Variants in RBM25 observed in about 807,000 individuals in gnomAD.
RBM25 encodes RNA-binding protein 25.
A neutral mutation model predicts 120.7 loss-of-function variants in RBM25; 19 were observed. That is an observed-to-expected ratio of 0.16 (90% CI 0.11 to 0.23). The LOEUF is 0.23. Among genes scored for constraint, RBM25 ranks in the 10% least tolerant of loss-of-function variants. The pLI, the probability that RBM25 is intolerant of heterozygous loss-of-function variation, is 1.00. For synonymous variants in RBM25, 390 were observed against 326.7 expected, an observed-to-expected ratio of 1.19 and a Z score of -2.09; for missense variants, 605 against 1,041.5, an observed-to-expected ratio of 0.58 and a Z score of 5.77.
At position 73,063,594 on chromosome 14, in the gene RBM25, A is replaced by G. The variant is rs1016631191; in HGVS notation, c.-16+4889A>G. ...TCTTTTAAATCCCACATATTATACA[A>G]TCCCTCAGCAAATCCTATTGGCTGC... On this transcript the variant is annotated intron_variant, in intron 1 of 18. Transcript: ENST00000261973. Among the ~76,000 whole-genome samples the G allele has an allele frequency of 1.5e-4, 23 of 151,404 alleles. 2 individuals are homozygous for G.
At chr14:73,078,255 G>T (rs1044601810) in intron 4 of RBM25, among the ~76,000 whole-genome samples, 2 of 151,672 alleles carry the variant, frequency 1.3e-5, no homozygotes, top group Non-Finnish European at 2.9e-5. Flanking sequence ...GTGAGCTGAG[G>T]TCGCGCTACT....
intron 5 of RBM25, among the ~76,000 whole-genome samples, chr14:73,086,447 A>C (rs1211795245): frequency 6.6e-6 from 1 of 151,866 alleles, no homozygotes; most frequent in African/African-American, 2.4e-5. Flanking sequence ...AAAAAAAAAA[A>C]AAACAAAACA....
chr14:73,079,894 G>A (rs1243626200), intron 4 of RBM25, among the ~76,000 whole-genome samples: 2 of 150,450 alleles, frequency 1.3e-5, no homozygotes, highest in Non-Finnish European at 3.0e-5. Flanking sequence ...TCTTTTCACT[G>A]TAGCCACAAG....
chr14:73,081,358 G>A (rs910407240), intron 4 of RBM25, among the ~76,000 whole-genome samples: 11 of 152,258 alleles, frequency 7.2e-5, no homozygotes, highest in Non-Finnish European at 1.0e-4. Flanking sequence ...GACTGGTCTC[G>A]AACTTTTGAC....
chr14:73,065,891 A>G (rs1297507684), intron 1 of RBM25, among the ~76,000 whole-genome samples: 1 of 151,328 alleles, frequency 6.6e-6, no homozygotes, highest in Non-Finnish European at 1.5e-5. Context: ...TATATCTAAT[A>G]TTATTGGGGG....
intron 6 of RBM25, among the ~76,000 whole-genome samples, chr14:73,093,852 G>A (rs114114539): frequency 0.086 from 12,982 of 151,500 alleles, 659 homozygotes; most frequent in Middle Eastern, 0.2. Context: ...TCAGAAAATC[G>A]TGTATAGTTG....
chr14:73,081,657 T>G (rs1424620889), intron 4 of RBM25, among the ~76,000 whole-genome samples: 1 of 152,232 alleles, frequency 6.6e-6, no homozygotes, highest in Non-Finnish European at 1.5e-5. Context: ...GGTATGTGGT[T>G]GGTAACTTTT....
chr14:73,110,843 G>T lies in RBM25; in HGVS notation c.1705G>T (p.Ala569Ser). 1 of 1,609,460 alleles carries T rather than the reference G, an allele frequency of 6.2e-7. No homozygotes were observed. The highest frequency in any genetic ancestry group is 1.1e-5 in the South Asian group (1 of 90,304). Residue 569 changes from alanine to serine, a missense_variant, in exon 15 of 19, where the codon GCT becomes TCT. Physicochemically the swap from Ala to Ser is moderately conservative, Grantham distance 99 (BLOSUM62 1). Coordinates refer to ENST00000261973, the MANE Select transcript of RBM25 (RefSeq NM_021239.3). ...DAELQRMEQE[A>S]ERRRQPQIKQ... Reference sequence around the variant, plus strand: ...GTTTGGGTTTTAGATGGAACAAGAGGCTGAGAGGCGCAGGCAGCCACAAAT... The same window carrying T: ...GTTTGGGTTTTAGATGGAACAAGAGTCTGAGAGGCGCAGGCAGCCACAAAT...
At chr14:73,076,262 C>A in intron 2 of RBM25, 57 bp from the exon 3 acceptor site, 1 of 1,350,732 alleles carries the variant, frequency 7.4e-7, no homozygotes, top group Non-Finnish European at 1.1e-6. Flanking sequence ...AATTGTGTGG[C>A]ATGTTGTTGA....
chr14:73,107,150 C>T (rs909164755), intron 12 of RBM25, among the ~76,000 whole-genome samples: 2 of 152,172 alleles, frequency 1.3e-5, no homozygotes, highest in East Asian at 1.9e-4. Flanking sequence ...CATATTTTTT[C>T]GTTTAATAAG....
chr14:73,111,322 C>T (rs1421991660), intron 15 of RBM25, 167 bp downstream of exon 15: 3 of 820,222 alleles, frequency 3.7e-6, no homozygotes, highest in African/African-American at 3.5e-5. Context: ...TACTAGTGCT[C>T]CTATATCTGC....
At chr14:73,064,821 G>T (rs1412089792) in intron 1 of RBM25, among the ~76,000 whole-genome samples, 2 of 151,272 alleles carry the variant, frequency 1.3e-5, no homozygotes, top group Non-Finnish European at 3.0e-5. Flanking sequence ...ATATGTTATG[G>T]AAAAATTTGA....
At chr14:73,101,581 A>C (rs1896057932) in intron 9 of RBM25, 1 of 151,442 alleles carries the variant, frequency 6.6e-6, no homozygotes, top group Non-Finnish European at 1.5e-5. Context: ...AGATTCACTC[A>C]CTTTTTCATT....
chr14:73,103,948 T>TCTCTCTCTCACA (rs1594928335), intron 10 of RBM25, among the ~76,000 whole-genome samples: 45 of 91,406 alleles, frequency 4.9e-4, no homozygotes, highest in Non-Finnish European at 7.3e-4. Context: ...TCTCTCTCTC[T>TCTCTCTCTCACA]CACACACACA....
Position 73,105,866 on chromosome 14 carries a change from A to G in RBM25, c.1162A>G (p.Ser388Gly). The change falls in exon 11 of 19, where the codon AGC (serine) becomes GGC (glycine). Residue 388 changes from serine (S) to glycine (G), a missense_variant. Around this residue, in one of 4 missense-constraint regions of RBM25, gnomAD observed 465 missense variants for 741.6 expected, o/e 0.63. Coordinates refer to ENST00000261973, the MANE Select transcript of RBM25 (RefSeq NM_021239.3). ...NKDRSRSREK[S>G]RDRERERERE... ...ATATTTTGTTTACATTAGAGAAAAA[A>G]GCAGAGATCGTGAAAGGGAACGAGA... 6.2e-7 allele frequency: 1 copy of G among 1,608,578 alleles called. No homozygotes were observed.
At chr14:73,113,787 T>C (rs1941548488) in intron 17 of RBM25, among the ~76,000 whole-genome samples, 2 of 152,192 alleles carry the variant, frequency 1.3e-5, no homozygotes, top group African/African-American at 4.8e-5. Flanking sequence ...CATGAAGAAA[T>C]TGAAGTTTAA....
At chr14:73,112,887 T>A (rs953006560) in intron 17 of RBM25, among the ~76,000 whole-genome samples, 12 of 152,300 alleles carry the variant, frequency 7.9e-5, no homozygotes, top group Admixed American at 2.6e-4. Context: ...CACTGCAGCT[T>A]TGAACGCCCA....
At chr14:73,113,788 T>C (rs1896366554) in intron 17 of RBM25, among the ~76,000 whole-genome samples, 1 of 152,198 alleles carries the variant, frequency 6.6e-6, no homozygotes, top group Non-Finnish European at 1.5e-5. Flanking sequence ...ATGAAGAAAT[T>C]GAAGTTTAAG....
intron 1 of RBM25, 132 bp downstream of exon 1, chr14:73,058,837 T>A (rs903537402): frequency 7.2e-5 from 1 of 13,864 alleles, no homozygotes; most frequent in East Asian, 2.7e-3. Context: ...GAGGCGGGGG[T>A]GGGGGAGGGG....
Sources: allele counts gnomAD v4.1 joint callset (sites outside exome capture counted in the v4.1 genomes callset), GRCh38; gene constraint gnomAD v4.1.1; regional missense constraint gnomAD v4.1.1; transcripts MANE v1.5; gene names NCBI Gene and HGNC (gene_info 2026-07-23, HGNC 2026-07-21).